IFTAP: variants seen among roughly 807,000 people sequenced by gnomAD.
IFTAP encodes intraflagellar transport associated protein.
Under a neutral mutation model 19.4 loss-of-function variants are expected in IFTAP, and 19 were observed. That is an observed-to-expected ratio of 0.98 (90% CI 0.68 to 1.44). The LOEUF (loss-of-function observed/expected upper bound fraction) is 1.44, where lower values mean the gene tolerates loss of function less well. Ranked by LOEUF, IFTAP falls within the 40% of genes most tolerant of loss-of-function variation. The pLI is 0.00. For synonymous variants in IFTAP, 85 were observed against 83.5 expected, an observed-to-expected ratio of 1.02 and a Z score of -0.10; for missense variants, 240 against 253.6, an observed-to-expected ratio of 0.95 and a Z score of 0.36.
chr11:36,639,079 C>T (rs1448322598), intron 4 of IFTAP, among the ~76,000 whole-genome samples: 1 of 152,102 alleles, frequency 6.6e-6, no homozygotes, highest in African/African-American at 2.4e-5. Flanking sequence ...GACTGTCATG[C>T]CTCAGACAAA....
intron 2 of IFTAP, among the ~76,000 whole-genome samples, chr11:36,626,833 C>A (rs1433333374): frequency 2.0e-5 from 3 of 150,980 alleles, no homozygotes; most frequent in Non-Finnish European, 2.9e-5. Context: ...CATAGTTACC[C>A]TGTGGTTTTA....
intron 2 of IFTAP, among the ~76,000 whole-genome samples, chr11:36,622,083 A>ATTTTTTTTTTTTTTTTTTTTTTTT (rs199873596): frequency 1.4e-5 from 2 of 138,168 alleles, no homozygotes; most frequent in African/African-American, 2.8e-5. Context: ...CTCTTGTTCT[A>ATTTTTTTTTTTTTTTTTTTTTTTT]TTTTTTATTT....
At chr11:36,640,118 T>G (rs536968877) in intron 4 of IFTAP, among the ~76,000 whole-genome samples, 1 of 152,254 alleles carries the variant, frequency 6.6e-6, no homozygotes, top group East Asian at 1.9e-4. Context: ...TGGACTGACA[T>G]TAGCTAGACC....
chr11:36,645,304 T>C (rs552030754), intron 4 of IFTAP, among the ~76,000 whole-genome samples: 1 of 152,206 alleles, frequency 6.6e-6, no homozygotes, highest in Admixed American at 6.6e-5. Context: ...TTTTAAATAG[T>C]AGAATTTCTA....
In IFTAP at chr11:36,655,339, G is replaced by A. The variant is rs540850835; in HGVS notation, c.499-3680G>A. Among the ~76,000 whole-genome samples the A allele has an allele frequency of 1.1e-3, 166 of 152,198 alleles. 1 individual carries two copies. Among genetic ancestry groups the A allele is most frequent in the Non-Finnish European group, 1.8e-3 (122 of 68,006 alleles). ...GCTCAGATATCACCTGTTCCAAGAC[G>A]CCTTCTCTGATTCCTTCCCAATCCC... On this transcript the variant is annotated intron_variant, in intron 5 of 5. Coordinates refer to ENST00000334307, the MANE Select transcript of IFTAP (RefSeq NM_138787.4).
intron 2 of IFTAP, among the ~76,000 whole-genome samples, chr11:36,611,689 TGTG>T (rs1327986448): frequency 2.6e-5 from 4 of 152,098 alleles, no homozygotes; most frequent in African/African-American, 9.7e-5. Context: ...AAAACATAGA[TGTG>T]GTGATTTTTG....
At chr11:36,616,727 G>A (rs758428349) in intron 2 of IFTAP, among the ~76,000 whole-genome samples, 4 of 151,858 alleles carry the variant, frequency 2.6e-5, no homozygotes, top group South Asian at 2.1e-4. Context: ...TGTAGTAACC[G>A]TATGATTTGT....
At chr11:36,618,246 C>T (rs79460419) in intron 2 of IFTAP, among the ~76,000 whole-genome samples, 17,216 of 151,864 alleles carry the variant, frequency 0.11, 1,151 homozygotes, top group African/African-American at 0.17. Flanking sequence ...GGGTGGGCCC[C>T]AACCCAGTAT....
chr11:36,623,353 T>C (rs73437958), intron 2 of IFTAP, among the ~76,000 whole-genome samples: 17,186 of 145,796 alleles, frequency 0.12, 1,147 homozygotes, highest in African/African-American at 0.18. Flanking sequence ...GAAATTGTGA[T>C]ACTCCCCCCC....
intron 2 of IFTAP, among the ~76,000 whole-genome samples, chr11:36,616,055 C>T (rs1052750047): frequency 6.6e-6 from 1 of 151,946 alleles, no homozygotes; most frequent in African/African-American, 2.4e-5. Context: ...AATTAAGAAG[C>T]CAATGACTTA....
chr11:36,639,935 C>T (rs747830677), intron 4 of IFTAP, among the ~76,000 whole-genome samples: 2 of 152,206 alleles, frequency 1.3e-5, no homozygotes, highest in Non-Finnish European at 2.9e-5. Context: ...CAACTTTAAG[C>T]AGCTTTAGGC....
chr11:36,600,363 G>C (rs1341759199), intron 1 of IFTAP, among the ~76,000 whole-genome samples: 3 of 152,356 alleles, frequency 2.0e-5, no homozygotes, highest in East Asian at 1.9e-4. Context: ...GCCGCAGGCC[G>C]GCAAGCCTTA....
chr11:36,644,484 C>G (rs1246246048), intron 4 of IFTAP, among the ~76,000 whole-genome samples: 2 of 152,192 alleles, frequency 1.3e-5, no homozygotes, highest in Non-Finnish European at 2.9e-5. Context: ...TTTGACCCAG[C>G]TATCCCATTA....
intron 5 of IFTAP, among the ~76,000 whole-genome samples, chr11:36,648,689 T>A (rs1277700531): frequency 4.6e-5 from 7 of 152,158 alleles, no homozygotes; most frequent in Admixed American, 2.0e-4. Flanking sequence ...GTCCATTATA[T>A]TTTAGGACAT....
rs1332636342 is a variant in IFTAP at position 36,633,298 on chromosome 11, A to C, written c.151A>C (p.Lys51Gln). ...THLSQEDHVS[K>Q]RGVFGTDSSE... is the part of the protein sequence containing the mutation. ...TCTTATTTCAGAGGATCATGTGTCC[A>C]AAAGGGGAGTGTTTGGAACTGATTC... Residue 51 changes from lysine to glutamine, a missense_variant, in exon 3 of 6, where the codon AAA (lysine) becomes CAA (glutamine). Transcript: ENST00000334307. 6.4e-7 allele frequency: 1 copy of C among 1,562,250 alleles called. No homozygotes were observed. The highest frequency in any genetic ancestry group is 1.4e-5 in the African/African-American group (1 of 72,546).
intron 1 of IFTAP, among the ~76,000 whole-genome samples, chr11:36,608,270 C>CT: frequency 6.6e-6 from 1 of 152,184 alleles, no homozygotes. Context: ...TCAGGAGATA[C>CT]TTAAAGGTTT....
Position 36,648,007 on chromosome 11 carries a change from A to C in IFTAP, c.359-9A>C, listed in dbSNP as rs746981619. 1.2e-6 allele frequency: 2 copies of C among 1,611,846 alleles called. No individual in the cohort carries two copies. The highest frequency in any genetic ancestry group is 2.2e-5 in the South Asian group (2 of 90,700). On this transcript the variant is annotated splice_polypyrimidine_tract_variant and intron_variant, in intron 4 of 5. Coordinates refer to ENST00000334307, the MANE Select transcript of IFTAP (RefSeq NM_138787.4). ...GAAAGGCTCAGTTGAAATGTTTTGT[A>C]TCCAACAGATTTGCTGCTGCTTCCA...
rs888406154 is a variant in IFTAP at position 36,612,247 on chromosome 11, G to A, written c.136+2008G>A. Among the ~76,000 whole-genome samples the A allele has an allele frequency of 3.3e-5, 5 of 151,618 alleles. No homozygotes were observed. The East Asian group carries it at 7.8e-4, about 24-fold the overall frequency. ...TGATCTGAAATAAATGATGATGCAAGTCACATAAACTGCATCTCCAAGCAC... is the reference window on the plus strand; with the variant it reads ...TGATCTGAAATAAATGATGATGCAAATCACATAAACTGCATCTCCAAGCAC... On this transcript the variant is annotated intron_variant, in intron 2 of 5. Transcript: ENST00000334307.
intron 2 of IFTAP, among the ~76,000 whole-genome samples, chr11:36,619,777 T>C (rs1246230757): frequency 1.3e-5 from 2 of 152,036 alleles, no homozygotes; most frequent in Non-Finnish European, 2.9e-5. Flanking sequence ...CTACTGAATA[T>C]TGAGTGGTGT....
Sources: gnomAD v4.1 joint callset for allele counts (sites outside exome capture counted in the v4.1 genomes callset) on GRCh38, gnomAD v4.1.1 for gene constraint, MANE v1.5 for transcripts, NCBI Gene and HGNC (gene_info 2026-07-23, HGNC 2026-07-21) for gene names.